Variants in ANK2 observed in about 807,000 individuals in gnomAD.
The protein encoded by ANK2 is ankyrin 2, also known as ankyrin-2.
Under a neutral mutation model 360.5 loss-of-function variants are expected in ANK2, and 83 were observed. That is an observed-to-expected ratio of 0.23 (90% CI 0.19 to 0.28). ANK2 has a LOEUF of 0.28. Among genes scored for constraint, ANK2 ranks in the 10% least tolerant of loss-of-function variants. The pLI, the probability that ANK2 is intolerant of heterozygous loss-of-function variation, is 1.00. For synonymous variants in ANK2, 1,740 were observed against 1,759.5 expected, an observed-to-expected ratio of 0.99 and a Z score of 0.28; for missense variants, 4,201 against 4,795.7, an observed-to-expected ratio of 0.88 and a Z score of 3.66.
the ANK2 span, among the ~76,000 whole-genome samples, chr4:112,789,180 A>G: frequency 6.6e-6 from 1 of 152,168 alleles, no homozygotes; most frequent in Non-Finnish European, 1.5e-5. Context: ...CTGTGGTAAA[A>G]TGGAAAGTTC....
intron 1 of ANK2, among the ~76,000 whole-genome samples, chr4:113,108,361 A>G (rs139644509): frequency 2.0e-5 from 3 of 152,336 alleles, no homozygotes; most frequent in Non-Finnish European, 4.4e-5. Flanking sequence ...CAAAGCATGC[A>G]TCGTAATTTT....
chr4:112,883,730 C>T (rs377158042), intron 1 of ANK2, among the ~76,000 whole-genome samples: 2 of 151,918 alleles, frequency 1.3e-5, no homozygotes, highest in South Asian at 2.1e-4. Context: ...GGACTTAGAA[C>T]TCCATATTGC....
chr4:112,854,999 A>G (rs1271036154), intron 1 of ANK2, among the ~76,000 whole-genome samples: 1 of 152,162 alleles, frequency 6.6e-6, no homozygotes, highest in East Asian at 1.9e-4. Flanking sequence ...TTAGTTTATT[A>G]TTTCTAAACA....
chr4:112,816,172 G>A (rs1035476168), upstream of ANK2, among the ~76,000 whole-genome samples: 40 of 152,176 alleles, frequency 2.6e-4, no homozygotes, highest in African/African-American at 9.7e-4. Flanking sequence ...GAATTAAATT[G>A]TAGGGCACTT....
At chr4:113,093,112 A>C (rs1233890839) in intron 1 of ANK2, among the ~76,000 whole-genome samples, 1 of 152,214 alleles carries the variant, frequency 6.6e-6, no homozygotes, top group East Asian at 1.9e-4. Context: ...GTGCAGTTAT[A>C]TAGATTTATA....
At chr4:113,167,436 A>T (rs2154407891) in intron 1 of ANK2, among the ~76,000 whole-genome samples, 1 of 151,418 alleles carries the variant, frequency 6.6e-6, no homozygotes. Flanking sequence ...AGTAGTTGGG[A>T]TTACAGGTGT....
chr4:113,089,584 G>A (rs1394004901), intron 1 of ANK2, among the ~76,000 whole-genome samples: 1 of 152,214 alleles, frequency 6.6e-6, no homozygotes, highest in African/African-American at 2.4e-5. Flanking sequence ...CCCAGCATTT[G>A]GGAGGCTGAG....
At chr4:113,077,436 G>T (rs1479686756) in intron 1 of ANK2, among the ~76,000 whole-genome samples, 2 of 151,944 alleles carry the variant, frequency 1.3e-5, no homozygotes, top group South Asian at 2.1e-4. Context: ...TTATAATTAG[G>T]TAAAAAAAAA....
Position 113,358,718 on chromosome 4 carries a change from C to G in ANK2, c.10100C>G (p.Ser3367Cys). ...CAGCAGCTCTCAGATCTAGACACCT[C>G]TGTCCAGAAGACAGTGGCTCCTCAG... ...VEQQLSDLDTSVQKTVAPQGQ... is the reference protein window; with the variant it reads ...VEQQLSDLDTCVQKTVAPQGQ... The change falls in exon 38 of 46, where the codon TCT becomes TGT. Residue 3367 changes from serine to cysteine, a missense_variant. Coordinates refer to ENST00000357077, the MANE Select transcript of ANK2 (RefSeq NM_001148.6). 6.2e-7 allele frequency: 1 copy of G among 1,614,100 alleles called. No individual in the cohort carries two copies. The highest frequency in any genetic ancestry group is 8.5e-7 in the Non-Finnish European group (1 of 1,179,970).
At chr4:113,189,313 A>G (rs974139000) in intron 2 of ANK2, among the ~76,000 whole-genome samples, 3 of 152,254 alleles carry the variant, frequency 2.0e-5, no homozygotes, top group Non-Finnish European at 4.4e-5. Flanking sequence ...CTCTTCCCAC[A>G]GAGTCCAGCA....
At chr4:112,706,151 T>G in the ANK2 span, among the ~76,000 whole-genome samples, 1 of 151,386 alleles carries the variant, frequency 6.6e-6, no homozygotes, top group African/African-American at 2.4e-5. Flanking sequence ...GGAAGATGGC[T>G]TCTCCCACCT....
rs753181935 is a variant in ANK2, at chr4:113,226,572, G to T, written c.385-5589G>T. Among the ~76,000 whole-genome samples the T allele has an allele frequency of 6.6e-4, 100 of 152,138 alleles. 2 individuals are homozygous for T. Among genetic ancestry groups the T allele is most frequent in the Admixed American group, 4.5e-3 (69 of 15,278 alleles). ...TAATTTAAAAAAACTAATTATATAGGTGTTCACTAAAGTGTAATACAGAAT... is the reference window on the plus strand; with the variant it reads ...TAATTTAAAAAAACTAATTATATAGTTGTTCACTAAAGTGTAATACAGAAT... On this transcript the variant is annotated intron_variant, in intron 4 of 45. Transcript: ENST00000357077.
At chr4:113,231,527 A>C (rs1294634398) in intron 4 of ANK2, among the ~76,000 whole-genome samples, 1 of 152,228 alleles carries the variant, frequency 6.6e-6, no homozygotes, top group Non-Finnish European at 1.5e-5. Flanking sequence ...TTATTTTATA[A>C]AGATGCTATA....
chr4:113,089,612 A>C (rs1211575317), intron 1 of ANK2, among the ~76,000 whole-genome samples: 1 of 152,156 alleles, frequency 6.6e-6, no homozygotes, highest in African/African-American at 2.4e-5. Context: ...GATCACCTGA[A>C]GTCAGAAGTT....
the ANK2 span, among the ~76,000 whole-genome samples, chr4:112,785,239 A>G: frequency 0.31 from 47,572 of 151,624 alleles, 7,594 homozygotes; most frequent in East Asian, 0.35. Flanking sequence ...TTCTTTTGCT[A>G]CCTCCCCTTG....
intron 13 of ANK2, among the ~76,000 whole-genome samples, chr4:113,260,403 A>G (rs905868448): frequency 1.3e-5 from 2 of 152,170 alleles, no homozygotes; most frequent in South Asian, 2.1e-4. Context: ...TGGTCATTTA[A>G]AGTTCTTCAT....
chr4:112,963,262 T>C (rs1185532414), intron 2 of ANK2, among the ~76,000 whole-genome samples: 3 of 152,164 alleles, frequency 2.0e-5, no homozygotes, highest in Admixed American at 2.0e-4. Context: ...CTCTTAATTT[T>C]TAATGATCTT....
At chr4:112,803,423 C>G in the ANK2 span, among the ~76,000 whole-genome samples, 1 of 151,906 alleles carries the variant, frequency 6.6e-6, no homozygotes, top group Non-Finnish European at 1.5e-5. Flanking sequence ...GAAGAGAAGG[C>G]TAGGGAAAGG....
chr4:112,772,005 T>C, the ANK2 span, among the ~76,000 whole-genome samples: 2 of 152,192 alleles, frequency 1.3e-5, no homozygotes, highest in South Asian at 4.1e-4. Flanking sequence ...ATGGGGCTCT[T>C]GGAGCTGCTT....
Sources: allele counts gnomAD v4.1 joint callset (sites outside exome capture counted in the v4.1 genomes callset), GRCh38; gene constraint gnomAD v4.1.1; transcripts MANE v1.5; gene names NCBI Gene and HGNC (gene_info 2026-07-23, HGNC 2026-07-21).